Variants in RASGRF1 observed in about 807,000 individuals in gnomAD.
RASGRF1 encodes the protein Ras protein specific guanine nucleotide releasing factor 1, also known as ras-specific guanine nucleotide-releasing factor 1.
In RASGRF1, 40 loss-of-function variants were observed where a neutral mutation model predicts 138.7. The observed-to-expected ratio is 0.29, with a 90% CI of 0.22 to 0.38. The LOEUF (loss-of-function observed/expected upper bound fraction) is 0.38, where lower values mean the gene tolerates loss of function less well. Among genes scored for constraint, RASGRF1 ranks in the 10% least tolerant of loss-of-function variants. The pLI, the probability that RASGRF1 is intolerant of heterozygous loss-of-function variation, is 1.00. For missense variants in RASGRF1, 1,108 were observed against 1,650.4 expected, an observed-to-expected ratio of 0.67 and a Z score of 5.69; for synonymous variants, 614 against 663.2, an observed-to-expected ratio of 0.93 and a Z score of 1.14.
intron 13 of RASGRF1, among the ~76,000 whole-genome samples, chr15:79,013,465 T>A (rs1266648149): frequency 6.6e-6 from 1 of 152,148 alleles, no homozygotes; most frequent in African/African-American, 2.4e-5. Context: ...GACTTCAGAG[T>A]GGTGGCGAGT....
intron 1 of RASGRF1, among the ~76,000 whole-genome samples, chr15:79,065,490 G>C (rs531074086): frequency 6.6e-6 from 1 of 152,056 alleles, no homozygotes; most frequent in Non-Finnish European, 1.5e-5. Context: ...CCAGGTTTCA[G>C]GTTTGAGCAA....
At chr15:78,962,352 C>T in intron 26 of RASGRF1, 116 bp from the exon 27 acceptor site, 2 of 695,898 alleles carry the variant, frequency 2.9e-6, no homozygotes, top group Non-Finnish European at 4.8e-6. Flanking sequence ...GTCAGGTGGG[C>T]ATATGAGGCA....
intron 20 of RASGRF1, among the ~76,000 whole-genome samples, chr15:78,993,827 G>A (rs1567470036): frequency 6.6e-6 from 1 of 152,178 alleles, no homozygotes; most frequent in African/African-American, 2.4e-5. Flanking sequence ...TGGCCAAGGT[G>A]GGGTGGTTGG....
intron 25 of RASGRF1, among the ~76,000 whole-genome samples, chr15:78,972,945 C>A (rs2055798181): frequency 6.6e-6 from 1 of 152,156 alleles, no homozygotes; most frequent in South Asian, 2.1e-4. Context: ...GTCACCTGGA[C>A]CCGGGCTCCA....
intron 23 of RASGRF1, chr15:78,984,680 C>T: frequency 2.9e-6 from 1 of 348,252 alleles, no homozygotes. Context: ...ACTGTCTCAG[C>T]TGCCCTGCAG....
At chr15:79,025,174 G>C in intron 10 of RASGRF1, 140 bp downstream of exon 10, 1 of 908,244 alleles carries the variant, frequency 1.1e-6, no homozygotes, top group South Asian at 3.7e-5. Context: ...ACTATGGGTT[G>C]TGTGTATATC....
chr15:79,014,115 A>G (rs1407734609), intron 13 of RASGRF1, among the ~76,000 whole-genome samples: 1 of 152,196 alleles, frequency 6.6e-6, no homozygotes, highest in Admixed American at 6.5e-5. Context: ...GTGAAAAGGT[A>G]AGACTTCTGT....
rs980439284 is a variant in RASGRF1, at chr15:78,986,956, G to T, written c.3217-1752C>A. On this transcript the variant is annotated intron_variant, in intron 22 of 26. Transcript: ENST00000558480. ...ATCAAGAGAACATGGAACTTAAAAA[G>T]AATTTTATATAAAAGTTATACTAAT... Among the ~76,000 whole-genome samples the T allele has an allele frequency of 3.9e-5, 6 of 152,056 alleles. No individual in the cohort carries two copies. In the South Asian group the frequency reaches 6.2e-4, roughly 16 times the overall value.
At chr15:79,017,672 C>T (rs1350070903) in intron 12 of RASGRF1, 98 bp downstream of exon 12, 1 of 1,387,878 alleles carries the variant, frequency 7.2e-7, no homozygotes, top group Non-Finnish European at 9.7e-7. Flanking sequence ...AGTGCAGCTA[C>T]TCCACCACCC....
rs1456218592 is a variant in RASGRF1, at chr15:78,971,789, G to A, written c.3681+77C>T. 4 of 1,327,166 alleles carry A rather than the reference G, an allele frequency of 3.0e-6. No homozygotes were observed. In the East Asian group the frequency reaches 9.2e-5, roughly 30 times the overall value. The allele number at this position is 1,327,166 out of a possible 1,614,324, so 82.2% of individuals were successfully genotyped here. A position where few individuals can be genotyped will look rare whatever the true frequency, so the allele number is the denominator to read the frequency against. On this transcript the variant is annotated intron_variant, in intron 26 of 26. Coordinates refer to ENST00000558480, the MANE Select transcript of RASGRF1 (RefSeq NM_001145648.3). ...CTGGAAGGGAAAGTGGACGGGTATG[G>A]AGGGGACAGGGTGGAAGGTGGCCTA...
chr15:79,082,076 C>A lies in RASGRF1; in HGVS notation c.276+8147G>T, dbSNP rs181365646. Among the ~76,000 whole-genome samples the A allele has an allele frequency of 7.9e-5, 12 of 152,320 alleles. No individual in the cohort carries two copies. The East Asian group carries it at 2.3e-3, about 29-fold the overall frequency. On this transcript the variant is annotated intron_variant, in intron 1 of 26. Transcript: ENST00000558480. ...AAACCACCATAAAACCTCTCTTCAG[C>A]TACTGTGTGTGTGCCCGATGATCAG...
intron 1 of RASGRF1, among the ~76,000 whole-genome samples, chr15:79,077,583 C>A (rs1409817017): frequency 6.6e-6 from 1 of 152,132 alleles, no homozygotes; most frequent in Non-Finnish European, 1.5e-5. Flanking sequence ...GGCTCATAAC[C>A]AGAACGGTCA....
At chr15:78,988,118 T>C (rs902214891) in intron 22 of RASGRF1, among the ~76,000 whole-genome samples, 2 of 152,234 alleles carry the variant, frequency 1.3e-5, no homozygotes, top group Non-Finnish European at 2.9e-5. Flanking sequence ...GCTTCTGAAG[T>C]AGACCGTGTG....
intron 1 of RASGRF1, among the ~76,000 whole-genome samples, chr15:79,067,443 C>G (rs1219119483): frequency 6.6e-6 from 1 of 152,220 alleles, no homozygotes; most frequent in Non-Finnish European, 1.5e-5. Flanking sequence ...AAGACACATT[C>G]ATTTGTCCAA....
intron 26 of RASGRF1, among the ~76,000 whole-genome samples, chr15:78,966,206 C>T (rs2055640760): frequency 6.6e-6 from 1 of 150,968 alleles, no homozygotes; most frequent in Admixed American, 6.6e-5. Context: ...AGTTTCCCTA[C>T]CAGACCATGA....
At position 78,974,473 on chromosome 15, in the gene RASGRF1, A is replaced by G. The variant is rs1190202572; in HGVS notation, c.3495-1053T>C. On this transcript the variant is annotated intron_variant, in intron 24 of 26. Transcript: ENST00000558480. ...CTGTCCCTCACCTGCCTGCTGTGTG[A>G]CCCTAGGCCAGGTCTTTCCCTCTCT... is the stretch of plus-strand genomic sequence containing the variant. 2.6e-5 allele frequency among the ~76,000 whole-genome samples: 4 copies of G among 152,202 alleles called. No homozygotes were observed. In the East Asian group the frequency reaches 5.8e-4, roughly 22 times the overall value.
chr15:79,061,860 A>C (rs2057611867), intron 2 of RASGRF1, among the ~76,000 whole-genome samples: 1 of 152,224 alleles, frequency 6.6e-6, no homozygotes, highest in South Asian at 2.1e-4. Context: ...AAAGCTGCTA[A>C]GGGATATCTG....
At chr15:79,055,571 GAC>G (rs143472188) in intron 3 of RASGRF1, among the ~76,000 whole-genome samples, 43 of 149,432 alleles carry the variant, frequency 2.9e-4, no homozygotes, top group East Asian at 1.2e-3. Flanking sequence ...GCCATTTTGA[GAC>G]ACACACACAC....
At chr15:79,043,502 G>C (rs1373045426) in intron 5 of RASGRF1, among the ~76,000 whole-genome samples, 2 of 152,178 alleles carry the variant, frequency 1.3e-5, no homozygotes, top group Non-Finnish European at 2.9e-5. Context: ...GTAAGAGGCA[G>C]GTACCATTCC....
Sources: gnomAD v4.1 joint callset for allele counts (sites outside exome capture counted in the v4.1 genomes callset) on GRCh38, gnomAD v4.1.1 for gene constraint, MANE v1.5 for transcripts, NCBI Gene and HGNC (gene_info 2026-07-23, HGNC 2026-07-21) for gene names.